FNDC3A: variants seen among roughly 807,000 people sequenced by gnomAD.
FNDC3A encodes fibronectin type III domain containing 3A, also known as fibronectin type-III domain-containing protein 3A.
Under a neutral mutation model 148.9 loss-of-function variants are expected in FNDC3A, and 32 were observed. The ratio of observed to expected loss-of-function variants is 0.21; its 90% CI spans 0.16 to 0.29. FNDC3A has a LOEUF of 0.29. FNDC3A is among the 10% of genes least tolerant of loss of function. The pLI, the probability that FNDC3A is intolerant of heterozygous loss-of-function variation, is 1.00. For missense variants in FNDC3A, 1,191 were observed against 1,452.8 expected, an observed-to-expected ratio of 0.82 and a Z score of 2.93; for synonymous variants, 472 against 473.6, an observed-to-expected ratio of 1.00 and a Z score of 0.04.
intron 2 of FNDC3A, among the ~76,000 whole-genome samples, chr13:49,012,823 G>C (rs945103523): frequency 1.3e-5 from 2 of 151,420 alleles, no homozygotes; most frequent in African/African-American, 4.9e-5. Flanking sequence ...GTGTGTGTGT[G>C]TGTGTGTGTG....
chr13:49,078,984 TTAA>T (rs981558955), intron 3 of FNDC3A, among the ~76,000 whole-genome samples: 11 of 152,330 alleles, frequency 7.2e-5, no homozygotes, highest in African/African-American at 2.6e-4. Flanking sequence ...GCTGTGTAAA[TTAA>T]TAAGCATTTG....
chr13:48,992,357 C>A (rs1951938545), intron 1 of FNDC3A, among the ~76,000 whole-genome samples: 1 of 152,092 alleles, frequency 6.6e-6, no homozygotes, highest in African/African-American at 2.4e-5. Context: ...TAAAAACAAG[C>A]CACAGACTGG....
At chr13:49,020,179 G>C (rs539920296) in intron 2 of FNDC3A, among the ~76,000 whole-genome samples, 13 of 152,284 alleles carry the variant, frequency 8.5e-5, no homozygotes, top group African/African-American at 3.1e-4. Flanking sequence ...ATTTATTGAT[G>C]TTATTAATGC....
chr13:49,056,491 T>G (rs552842088), intron 2 of FNDC3A, among the ~76,000 whole-genome samples: 6 of 152,324 alleles, frequency 3.9e-5, no homozygotes, highest in Non-Finnish European at 7.4e-5. Flanking sequence ...ATTCATGTCA[T>G]TAAGTCACTG....
rs947974623 is a variant in FNDC3A, at chr13:49,207,421, A to G, written c.*26A>G. 2.2e-6 allele frequency: 3 copies of G among 1,347,522 alleles called. No homozygotes were observed. Among genetic ancestry groups the G allele is most frequent in the Non-Finnish European group, 3.1e-6 (3 of 975,594 alleles). The allele number at this position is 1,347,522 out of a possible 1,614,324, so 83.5% of individuals were successfully genotyped here. Reference sequence around the variant, plus strand: ...AAATATAACTTTATTTTTTAACTCTATTACATTTTATTTTGTCATGTACTA... The same window carrying G: ...AAATATAACTTTATTTTTTAACTCTGTTACATTTTATTTTGTCATGTACTA... On this transcript the variant is annotated 3_prime_UTR_variant, in exon 26 of 26. Transcript: ENST00000492622.
intron 2 of FNDC3A, among the ~76,000 whole-genome samples, chr13:49,064,922 T>C (rs544343554): frequency 1.3e-5 from 2 of 152,316 alleles, no homozygotes; most frequent in East Asian, 3.9e-4. Context: ...CCGTGTCTGC[T>C]TACAATATGT....
chr13:49,046,456 GT>G, intron 2 of FNDC3A: 1 of 173,472 alleles, frequency 5.8e-6, no homozygotes, highest in South Asian at 1.6e-4. Context: ...AAAAGGACTT[GT>G]TATGAATAAA....
intron 1 of FNDC3A, among the ~76,000 whole-genome samples, chr13:48,998,990 A>T (rs1952075626): frequency 6.6e-6 from 1 of 152,240 alleles, no homozygotes; most frequent in Non-Finnish European, 1.5e-5. Flanking sequence ...GGCAATTCAG[A>T]GGTCATCAGG....
intron 3 of FNDC3A, chr13:49,095,339 A>C (rs1351906845): frequency 6.6e-6 from 1 of 152,040 alleles, no homozygotes; most frequent in East Asian, 1.9e-4. Context: ...ATTTCATATC[A>C]TAATATAGAA....
chr13:49,060,059 G>A (rs1352821324), intron 2 of FNDC3A, among the ~76,000 whole-genome samples: 2 of 152,152 alleles, frequency 1.3e-5, no homozygotes, highest in Non-Finnish European at 2.9e-5. Flanking sequence ...TTTTTGTTAG[G>A]CACATAAAAT....
At chr13:49,090,673 G>A (rs567656192) in intron 3 of FNDC3A, among the ~76,000 whole-genome samples, 14 of 124,152 alleles carry the variant, frequency 1.1e-4, no homozygotes, top group Admixed American at 4.0e-4. Flanking sequence ...GTTTTCCCCC[G>A]TCTGGGAGCC....
Position 49,012,178 on chromosome 13 carries a change from C to T in FNDC3A, c.99+5889C>T, listed in dbSNP as rs1005686104. On this transcript the variant is annotated intron_variant, in intron 2 of 25. Transcript: ENST00000492622. ...TCACGCAGGTTGGAGTGCAGTGGCG[C>T]GATCTCGGCTTGCTGCAAGCTCCGC... Among the ~76,000 whole-genome samples the T allele has an allele frequency of 4.6e-5, 7 of 151,734 alleles. No individual in the cohort carries two copies. In the East Asian group the frequency reaches 9.7e-4, roughly 21 times the overall value.
At position 48,976,159 on chromosome 13, in the gene FNDC3A, A is replaced by G. The variant is rs1011251922; in HGVS notation, c.-58A>G. ...CGCCAGAGGAGCCGCCTTCTGCCTC[A>G]GAACGGCGTGACTCGGAGGTGAGAG... On this transcript the variant is annotated 5_prime_UTR_variant, in exon 1 of 26. Transcript: ENST00000492622. 6.6e-6 allele frequency: 1 copy of G among 152,290 alleles called. No individual in the cohort carries two copies. The highest frequency in any genetic ancestry group is 2.4e-5 in the African/African-American group (1 of 41,442). The allele number at this position is 152,290 out of a possible 1,614,324, so 9.4% of individuals were successfully genotyped here.
chr13:48,982,180 A>C (rs1381630726), intron 1 of FNDC3A, among the ~76,000 whole-genome samples: 2 of 152,132 alleles, frequency 1.3e-5, no homozygotes, highest in Admixed American at 1.3e-4. Context: ...CTTTAAAATC[A>C]GTTTTTCTTA....
At chr13:49,174,155 C>T (rs1884905901) in intron 11 of FNDC3A, among the ~76,000 whole-genome samples, 1 of 152,114 alleles carries the variant, frequency 6.6e-6, no homozygotes, top group Non-Finnish European at 1.5e-5. Context: ...TTGTAGGGTC[C>T]ATACCTGCAG....
At chr13:49,075,411 A>C (rs201462611) in intron 3 of FNDC3A, 47 bp downstream of exon 3, 15 of 1,113,094 alleles carry the variant, frequency 1.3e-5, no homozygotes, top group South Asian at 2.6e-5. Context: ...AATAAACCCC[A>C]AAAATTTATG....
At chr13:49,189,884 G>A (rs1330350653) in intron 17 of FNDC3A, among the ~76,000 whole-genome samples, 1 of 152,160 alleles carries the variant, frequency 6.6e-6, no homozygotes, top group Non-Finnish European at 1.5e-5. Flanking sequence ...ATGCCACTGA[G>A]TTTGTGGCAT....
intron 2 of FNDC3A, among the ~76,000 whole-genome samples, chr13:49,051,825 C>T (rs551209158): frequency 1.4e-4 from 21 of 152,214 alleles, no homozygotes; most frequent in South Asian, 6.2e-4. Flanking sequence ...TAGCTTTGTA[C>T]GTTTAACATA....
chr13:49,131,110 A>C (rs769484808), intron 4 of FNDC3A, 27 bp from the exon 5 acceptor site: 62 of 1,542,172 alleles, frequency 4.0e-5, no homozygotes, highest in Non-Finnish European at 5.5e-5. Context: ...CTATGGAAGA[A>C]ATTTTAATCT....
Sources: gnomAD v4.1 joint callset for allele counts (sites outside exome capture counted in the v4.1 genomes callset) on GRCh38, gnomAD v4.1.1 for gene constraint, MANE v1.5 for transcripts, NCBI Gene and HGNC (gene_info 2026-07-23, HGNC 2026-07-21) for gene names.